Variants in ANKRD23 observed in about 807,000 individuals in gnomAD.
ANKRD23 encodes the protein ankyrin repeat domain 23, also known as ankyrin repeat domain-containing protein 23.
A neutral mutation model predicts 38.1 loss-of-function variants in ANKRD23; 52 were observed. That is an observed-to-expected ratio of 1.36 (90% CI 1.09 to 1.72). The LOEUF is 1.72. Among genes scored for constraint, ANKRD23 ranks in the 40% most tolerant of loss-of-function variants. The pLI, the probability that ANKRD23 is intolerant of heterozygous loss-of-function variation, is 0.00. For synonymous variants in ANKRD23, 167 were observed against 162.9 expected (o/e 1.03, Z -0.19); for missense variants, 416 against 400.2 (o/e 1.04, Z -0.34).
At chr2:96,841,860 C>T (rs981515844) in intron 3 of ANKRD23, among the ~76,000 whole-genome samples, 200 bp downstream of exon 3, 3 of 152,210 alleles carry the variant, frequency 2.0e-5, no homozygotes, top group Non-Finnish European at 4.4e-5. Context: ...CACATGCCTG[C>T]TGTTGAGGCT....
In ANKRD23 at chr2:96,842,332, TGCCCCCAACCCCG is replaced by T; in HGVS notation, c.174+20_174+32del. 1 of 1,604,360 alleles carries T rather than the reference TGCCCCCAACCCCG, an allele frequency of 6.2e-7. No individual in the cohort carries two copies. Among genetic ancestry groups the T allele is most frequent in the South Asian group, 1.1e-5 (1 of 90,182 alleles). On this transcript the variant is annotated intron_variant, in intron 2 of 8. Transcript: ENST00000318357. ...TCAGCCGGCCTCAGGGATTAGCCACTGCCCCCAACCCCGGCCCCCGCCCCTCTCTCACTTTCTT... is the reference window on the plus strand; with the variant it reads ...TCAGCCGGCCTCAGGGATTAGCCACTGCCCCCGCCCCTCTCTCACTTTCTT...
chr2:96,842,881 C>G (rs1224294604), intron 1 of ANKRD23, among the ~76,000 whole-genome samples: 4 of 152,194 alleles, frequency 2.6e-5, no homozygotes, highest in African/African-American at 9.7e-5. Context: ...TGTTAAGATT[C>G]CTACCAGATC....
chr2:96,842,209 C>A (rs747487070), intron 2 of ANKRD23, 24 bp from the exon 3 acceptor site: 10 of 1,613,450 alleles, frequency 6.2e-6, no homozygotes. Flanking sequence ...CAAGACCATG[C>A]CAGCCATCAG....
rs779792830 is a variant in ANKRD23 at position 96,839,799 on chromosome 2, G to A, written c.750C>T (p.Ala250=). Residue 250 remains alanine, a synonymous_variant, in exon 8 of 9, where the codon GCC becomes GCT. Transcript: ENST00000318357. ...TGGCTTTGTAGCTGCCGTGCCGCACGGCCTCGTGCAGAGCCGTGTCCCCTT... is the reference window on the plus strand; with the variant it reads ...TGGCTTTGTAGCTGCCGTGCCGCACAGCCTCGTGCAGAGCCGTGTCCCCTT... ...DKEGDTALHE[A]VRHGSYKAMK... is the part of the protein sequence containing the mutation. 6.8e-6 allele frequency: 11 copies of A among 1,613,080 alleles called. No individual in the cohort carries two copies. Among genetic ancestry groups the A allele is most frequent in the South Asian group, 6.6e-5 (6 of 91,016 alleles).
At position 96,840,829 on chromosome 2, in the gene ANKRD23, G is replaced by A. The variant is rs1559021582; in HGVS notation, c.384C>T (p.Asp128=). The change falls in exon 4 of 9, where the codon GAC becomes GAT. Residue 128 remains aspartate (D), a synonymous_variant. Transcript: ENST00000318357. ...AAAENQEYLI[D]KYLTDGGDPN... is the part of the protein sequence containing the mutation. ...GGTCCCCTCCGTCTGTCAAGTACTT[G>A]TCAATCAGGTACTCCTGGTTCTCAG... is the stretch of plus-strand genomic sequence containing the variant. The A allele has an allele frequency of 1.2e-6, 2 of 1,614,212 alleles. No homozygotes were observed. The highest frequency in any genetic ancestry group is 4.5e-5 in the East Asian group (2 of 44,882).
Position 96,840,367 on chromosome 2 carries a change from G to A in ANKRD23, c.526-37C>T, listed in dbSNP as rs1041146996. 3.1e-6 allele frequency: 5 copies of A among 1,610,044 alleles called. No individual in the cohort carries two copies. In the Admixed American group the frequency reaches 5.0e-5, roughly 16 times the overall value. ...AAGCACCCAAGCACTCAGCTGCTGGGATGTGAAGCTGGGCGTCGACCAGAG... is the reference window on the plus strand; with the variant it reads ...AAGCACCCAAGCACTCAGCTGCTGGAATGTGAAGCTGGGCGTCGACCAGAG... On this transcript the variant is annotated intron_variant, in intron 5 of 8. Transcript: ENST00000318357.
chr2:96,841,870 T>G (rs2153358813), intron 3 of ANKRD23, among the ~76,000 whole-genome samples, 190 bp downstream of exon 3: 1 of 152,350 alleles, frequency 6.6e-6, no homozygotes, highest in African/African-American at 2.4e-5. Flanking sequence ...CTGTTGAGGC[T>G]GTCCAGGCTG....
At chr2:96,843,260 C>T (rs1277776054) in intron 1 of ANKRD23, among the ~76,000 whole-genome samples, 1 of 152,152 alleles carries the variant, frequency 6.6e-6, no homozygotes, top group Non-Finnish European at 1.5e-5. Flanking sequence ...AACCTAACAC[C>T]TCCCTGCCAT....
At chr2:96,840,188 G>A (rs1268730964) in intron 6 of ANKRD23, 44 bp downstream of exon 6, 2 of 1,583,522 alleles carry the variant, frequency 1.3e-6, no homozygotes, top group Middle Eastern at 1.7e-4. Flanking sequence ...AACAGCGTCT[G>A]CTCCCGTGTT....
chr2:96,839,071 C>A lies in ANKRD23; in HGVS notation c.*478G>T. Reference sequence around the variant, plus strand: ...GCCCCTGCATGGCCTGCCTTGGCTGCACCTTGTACATCCTGGATGGCATCT... The same window carrying A: ...GCCCCTGCATGGCCTGCCTTGGCTGAACCTTGTACATCCTGGATGGCATCT... On this transcript the variant is annotated 3_prime_UTR_variant, in exon 9 of 9. Transcript: ENST00000318357. The A allele has an allele frequency of 1.0e-6, 1 of 987,390 alleles. No individual in the cohort carries two copies. Among genetic ancestry groups the A allele is most frequent in the Non-Finnish European group, 1.2e-6 (1 of 831,370 alleles). The allele number at this position is 987,390 out of a possible 1,614,324, so 61.2% of individuals were successfully genotyped here. A position where few individuals can be genotyped will look rare whatever the true frequency, so the allele number is the denominator to read the frequency against.
chr2:96,841,680 A>G (rs1263091054), intron 3 of ANKRD23, among the ~76,000 whole-genome samples: 1 of 151,944 alleles, frequency 6.6e-6, no homozygotes, highest in Non-Finnish European at 1.5e-5. Context: ...CCCAGCAAAC[A>G]TGAAGGCAAT....
At position 96,838,756 on chromosome 2, in the gene ANKRD23, C is replaced by G. The variant is rs1029172739; in HGVS notation, c.*793G>C. The stretch of plus-strand genomic sequence containing the variant: ...CGCCAGCAGGCAACGGTGTGCCAGG[C>G]CGGCCTGAGCGGGGCCAGTACACAG... On this transcript the variant is annotated 3_prime_UTR_variant, in exon 9 of 9. Transcript: ENST00000318357. The G allele has an allele frequency of 1.6e-5, 16 of 985,652 alleles. No individual in the cohort carries two copies. In the Admixed American group the frequency reaches 5.5e-4, roughly 34 times the overall value. 61.1% of individuals were successfully genotyped at this position (985,652 alleles called of 1,614,324 possible). A position where few individuals can be genotyped will look rare whatever the true frequency, so the allele number is the denominator to read the frequency against.
In ANKRD23 at chr2:96,843,835, A is replaced by G. The variant is rs184535527; in HGVS notation, c.27+131T>C. 1,215 of 865,792 alleles carry G rather than the reference A, an allele frequency of 1.4e-3. 4 individuals carry two copies. The highest frequency in any genetic ancestry group is 3.0e-3 in the African/African-American group (172 of 56,702). 53.6% of individuals were successfully genotyped at this position (865,792 alleles called of 1,614,324 possible). A position where few individuals can be genotyped will look rare whatever the true frequency, so the allele number is the denominator to read the frequency against. On this transcript the variant is annotated intron_variant, in intron 1 of 8. Transcript: ENST00000318357. The stretch of plus-strand genomic sequence containing the variant: ...TTCAAAAAATACAGATTTTTATAAA[A>G]GAACTGCATGCTTCCCTGCACCTAA...
Position 96,842,491 on chromosome 2 carries a change from T to G in ANKRD23, c.48A>C (p.Glu16Asp), listed in dbSNP as rs146523093. Residue 16 changes from glutamate to aspartate, a missense_variant, in exon 2 of 9, where the codon GAA becomes GAC. Glu to Asp is a conservative substitution (Grantham distance 45). Transcript: ENST00000318357. ...CATGTCCAAATCCCAACACTTTCCC[T>G]TCAACTCTTTCTCCACTTACCTGTA... Reference protein sequence around the residue: ...IQQLVSGERVEGKVLGFGHGV... With the variant: ...IQQLVSGERVDGKVLGFGHGV... 12 of 1,613,762 alleles carry G rather than the reference T, an allele frequency of 7.4e-6. No homozygotes were observed. In the African/African-American group the frequency reaches 1.6e-4, roughly 22 times the overall value.
In ANKRD23 at chr2:96,839,836, C is replaced by T. The variant is rs1252227157; in HGVS notation, c.724-11G>A. The T allele has an allele frequency of 1.2e-6, 2 of 1,609,908 alleles. No homozygotes were observed. Among genetic ancestry groups the T allele is most frequent in the Non-Finnish European group, 1.7e-6 (2 of 1,178,456 alleles). On this transcript the variant is annotated splice_polypyrimidine_tract_variant and intron_variant, in intron 7 of 8. Coordinates refer to ENST00000318357, the MANE Select transcript of ANKRD23 (RefSeq NM_144994.8). ...AGCCGTGTCCCCTTCCTGCTGAGAACGCAGGCAGTCAAGCTTCTGCCTCCG... is the reference window on the plus strand; with the variant it reads ...AGCCGTGTCCCCTTCCTGCTGAGAATGCAGGCAGTCAAGCTTCTGCCTCCG...
In ANKRD23 at chr2:96,842,187, T is replaced by C; in HGVS notation, c.175-2A>G. 3 of 1,614,060 alleles carry C rather than the reference T, an allele frequency of 1.9e-6. No individual in the cohort carries two copies. The South Asian group carries it at 3.3e-5, about 18-fold the overall frequency. ...TCTGGTACTGTTAAATCTTTCAAGC[T>C]GGGGCAGAAGACAAGACCATGCCAG... On this transcript the variant is annotated splice_acceptor_variant, in intron 2 of 8. Transcript: ENST00000318357. LOFTEE classifies it high-confidence loss of function.
At chr2:96,842,798 C>T (rs1449941572) in intron 1 of ANKRD23, among the ~76,000 whole-genome samples, 1 of 152,176 alleles carries the variant, frequency 6.6e-6, no homozygotes, top group Non-Finnish European at 1.5e-5. Context: ...GACATGAGGC[C>T]ACAACCTATT....
chr2:96,840,934 C>T, intron 3 of ANKRD23, 22 bp from the exon 4 acceptor site: 1 of 1,611,912 alleles, frequency 6.2e-7, no homozygotes, highest in Non-Finnish European at 8.5e-7. Flanking sequence ...GAAGACAAGA[C>T]CAAATCACTC....
At position 96,839,714 on chromosome 2, in the gene ANKRD23, C is replaced by A. The variant is rs1430442069; in HGVS notation, c.822+13G>T. On this transcript the variant is annotated intron_variant, in intron 8 of 8. Transcript: ENST00000318357. ...GCCCTCGGGTCAGGAGCCAGGGCTG[C>A]GCCCACACTCACCGCGTTCCGCACC... The A allele has an allele frequency of 2.5e-6, 4 of 1,611,912 alleles. No homozygotes were observed. The highest frequency in any genetic ancestry group is 3.4e-6 in the Non-Finnish European group (4 of 1,179,450).
Sources: allele counts gnomAD v4.1 joint callset (sites outside exome capture counted in the v4.1 genomes callset), GRCh38; gene constraint gnomAD v4.1.1; transcripts MANE v1.5; gene names NCBI Gene and HGNC (gene_info 2026-07-23, HGNC 2026-07-21).